CYRIB: variants seen among roughly 807,000 people sequenced by gnomAD.
CYRIB encodes CYFIP-related Rac1 interactor B.
Under a neutral mutation model 44.2 loss-of-function variants are expected in CYRIB, and 8 were observed. The observed-to-expected ratio is 0.18, with a 90% confidence interval of 0.11 to 0.33. The LOEUF is 0.33. Ranked by LOEUF, CYRIB falls within the 10% of genes least tolerant of loss-of-function variation. The probability of loss-of-function intolerance (pLI) is 1.00; values close to 1 mark genes in which losing one functional copy is unlikely to be tolerated. For synonymous variants in CYRIB, 131 were observed against 127.2 expected, an observed-to-expected ratio of 1.03 and a Z score of -0.20; for missense variants, 185 against 382.8, an observed-to-expected ratio of 0.48 and a Z score of 4.31.
chr8:130,016,031 C>T (rs2097335135), intron 1 of CYRIB, among the ~76,000 whole-genome samples: 1 of 151,794 alleles, frequency 6.6e-6, no homozygotes. Flanking sequence ...CCCGAGCGCC[C>T]CCTGCCTCGA....
intron 2 of CYRIB, among the ~76,000 whole-genome samples, chr8:129,886,326 C>G (rs988895996): frequency 6.6e-6 from 1 of 152,188 alleles, no homozygotes; most frequent in African/African-American, 2.4e-5. Flanking sequence ...ATCACCCACG[C>G]CTTCCTGAAA....
exon 12 of CYRIB, chr8:129,839,663 ATAT>A (rs1168858714): frequency 2.0e-5 from 3 of 152,286 alleles, no homozygotes; most frequent in South Asian, 4.1e-4. Context: ...ATGCCACAAA[ATAT>A]TATTCTTTTG....
chr8:129,869,457 T>G (rs1588026793), intron 4 of CYRIB, among the ~76,000 whole-genome samples: 1 of 152,022 alleles, frequency 6.6e-6, no homozygotes, highest in East Asian at 1.9e-4. Context: ...ATTTTTCTCT[T>G]CATAACAACA....
intron 4 of CYRIB, among the ~76,000 whole-genome samples, chr8:129,868,067 G>C (rs1193570669): frequency 6.6e-6 from 1 of 152,100 alleles, no homozygotes; most frequent in Non-Finnish European, 1.5e-5. Flanking sequence ...ATAGTTGGCT[G>C]CTCTAAGTCT....
chr8:129,907,267 A>C (rs545895867), intron 1 of CYRIB, among the ~76,000 whole-genome samples: 1 of 152,386 alleles, frequency 6.6e-6, no homozygotes, highest in South Asian at 2.1e-4. Flanking sequence ...CTATGCAGCC[A>C]TAAAAAATGA....
chr8:129,925,716 A>T (rs963524746), intron 1 of CYRIB, among the ~76,000 whole-genome samples: 7 of 152,144 alleles, frequency 4.6e-5, no homozygotes, highest in Admixed American at 3.3e-4. Flanking sequence ...TCTCTCTTTC[A>T]CCCCTGAAAA....
At chr8:129,910,930 T>C (rs1457209834) in intron 1 of CYRIB, among the ~76,000 whole-genome samples, 1 of 152,234 alleles carries the variant, frequency 6.6e-6, no homozygotes, top group Non-Finnish European at 1.5e-5. Flanking sequence ...AGCGCTGGAA[T>C]TATAGGCATG....
chr8:129,842,094 T>C (rs749381008), exon 12 of CYRIB: 10 of 1,386,582 alleles, frequency 7.2e-6, no homozygotes, highest in Admixed American at 3.7e-5. Context: ...TTCTCAGTCA[T>C]TGCAGAATAC....
chr8:129,887,355 G>A (rs972698823), intron 2 of CYRIB, among the ~76,000 whole-genome samples: 1 of 152,196 alleles, frequency 6.6e-6, no homozygotes, highest in African/African-American at 2.4e-5. Flanking sequence ...GTTGAGGCTT[G>A]GGAGTCTCTG....
chr8:129,982,815 A>G (rs749894928), intron 1 of CYRIB, among the ~76,000 whole-genome samples: 5 of 151,994 alleles, frequency 3.3e-5, no homozygotes, highest in Non-Finnish European at 5.9e-5. Context: ...CTCATTCTAA[A>G]TTGTCATGGC....
At position 129,846,815 on chromosome 8, in the gene CYRIB, T is replaced by C. The variant is rs376275542; in HGVS notation, c.900A>G (p.Leu300=). The C allele has an allele frequency of 1.1e-5, 17 of 1,595,968 alleles. No individual in the cohort carries two copies. In the South Asian group the frequency reaches 1.3e-4, roughly 12 times the overall value. ...GTACATATACACACCTGAGAGCATT[T>C]AGAAGACCTTCCACACTATTAGGAG... The change falls in exon 11 of 12, where the codon CTA becomes CTG. Residue 300 remains leucine, a synonymous_variant. Transcript: ENST00000519824.
chr8:129,980,127 C>A (rs2096150525), intron 1 of CYRIB, among the ~76,000 whole-genome samples: 1 of 147,152 alleles, frequency 6.8e-6, no homozygotes, highest in South Asian at 2.1e-4. Context: ...CTATTGCTTA[C>A]ATAGTTAAAA....
chr8:130,015,343 A>G (rs2097317138), intron 1 of CYRIB, among the ~76,000 whole-genome samples: 2 of 152,294 alleles, frequency 1.3e-5, no homozygotes, highest in Non-Finnish European at 2.9e-5. Context: ...GACACTTTCT[A>G]TCACTGCGCC....
chr8:129,944,539 G>T (rs188239044), upstream of CYRIB, among the ~76,000 whole-genome samples: 70 of 152,248 alleles, frequency 4.6e-4, no homozygotes, highest in South Asian at 0.01. Context: ...TCCCAGCAGT[G>T]TGAGAGGCCG....
chr8:129,990,678 C>A (rs891913398), intron 1 of CYRIB, among the ~76,000 whole-genome samples: 3 of 152,000 alleles, frequency 2.0e-5, no homozygotes, highest in African/African-American at 7.3e-5. Context: ...TGTGCCACTA[C>A]ACCTAGCTAA....
At chr8:129,908,538 C>A (rs985706023) in intron 1 of CYRIB, among the ~76,000 whole-genome samples, 2 of 152,002 alleles carry the variant, frequency 1.3e-5, no homozygotes, top group African/African-American at 4.8e-5. Context: ...TGTAAAAGAG[C>A]AAAAATAAAC....
At chr8:129,987,432 C>G (rs2096494930) in intron 1 of CYRIB, among the ~76,000 whole-genome samples, 1 of 152,106 alleles carries the variant, frequency 6.6e-6, no homozygotes, top group Non-Finnish European at 1.5e-5. Context: ...TTGATGGCAC[C>G]TGGGAGGCTG....
At chr8:129,942,539 G>A (rs1257453399), upstream of CYRIB, among the ~76,000 whole-genome samples, 1 of 152,134 alleles carries the variant, frequency 6.6e-6, no homozygotes, top group Admixed American at 6.5e-5. Flanking sequence ...AAGAAGTGCT[G>A]AATTTATTCT....
At chr8:129,888,540 G>A (rs2134538653) in intron 2 of CYRIB, among the ~76,000 whole-genome samples, 1 of 152,274 alleles carries the variant, frequency 6.6e-6, no homozygotes, top group East Asian at 1.9e-4. Context: ...CTGCTGCTCA[G>A]TAAGGCCTCA....
Sources: allele counts gnomAD v4.1 joint callset (sites outside exome capture counted in the v4.1 genomes callset), GRCh38; gene constraint gnomAD v4.1.1; transcripts MANE v1.5; gene names NCBI Gene and HGNC (gene_info 2026-07-23, HGNC 2026-07-21).